Variants in FBXL13 observed in about 807,000 individuals in gnomAD.
FBXL13 encodes the protein F-box and leucine rich repeat protein 13, also known as F-box and leucine-rich repeat protein 13.
A neutral mutation model predicts 83.6 loss-of-function variants in FBXL13; 67 were observed. That is an observed-to-expected ratio of 0.80 (90% CI 0.66 to 0.98). FBXL13 has a LOEUF of 0.98. Among genes scored for constraint, FBXL13 ranks in the 50% least tolerant of loss-of-function variants. FBXL13 has a pLI of 0.00. For synonymous variants in FBXL13, 272 were observed against 299.5 expected (o/e 0.91, Z 0.95); for missense variants, 822 against 866.5 (o/e 0.95, Z 0.64).
At chr7:102,934,238 A>G in intron 8 of FBXL13, 1 of 1,614,228 alleles carries the variant, frequency 6.2e-7, no homozygotes, top group East Asian at 2.2e-5. Context: ...AAAGCTGAAA[A>G]GCCTGGATCT....
At chr7:102,883,765 A>G (rs569367365) in intron 12 of FBXL13, 80 bp from the exon 14 acceptor site, 1 of 818,790 alleles carries the variant, frequency 1.2e-6, no homozygotes, top group Admixed American at 2.4e-5. Flanking sequence ...TTTTCCTTCA[A>G]TATATTAGAG....
At chr7:102,839,976 C>T (rs559653668) in intron 17 of FBXL13, among the ~76,000 whole-genome samples, 141 of 152,148 alleles carry the variant, frequency 9.3e-4, no homozygotes, top group South Asian at 4.4e-3. Context: ...AGACACCTAC[C>T]CAACAGCACA....
chr7:102,903,702 C>A (rs916621292), intron 11 of FBXL13, among the ~76,000 whole-genome samples: 1 of 151,874 alleles, frequency 6.6e-6, no homozygotes, highest in African/African-American at 2.4e-5. Flanking sequence ...TGATCAAATG[C>A]TTTCCAGCAT....
intron 19 of FBXL13, among the ~76,000 whole-genome samples, chr7:102,819,538 G>A (rs1798511490): frequency 6.6e-6 from 1 of 152,188 alleles, no homozygotes; most frequent in African/African-American, 2.4e-5. Flanking sequence ...ATTCCATTGA[G>A]TATGAGTGAA....
At chr7:102,945,853 A>G (rs1279408898) in intron 8 of FBXL13, among the ~76,000 whole-genome samples, 2 of 152,174 alleles carry the variant, frequency 1.3e-5, no homozygotes, top group African/African-American at 4.8e-5. Flanking sequence ...CTCCCAAAGC[A>G]TGGAAGATGG....
chr7:102,912,986 G>C, intron 11 of FBXL13, 100 bp downstream of exon 12: 3 of 1,469,028 alleles, frequency 2.0e-6, no homozygotes, highest in Non-Finnish European at 2.8e-6. Context: ...AGTGTGCTGC[G>C]GTCCGTGCAC....
intron 1 of FBXL13, among the ~76,000 whole-genome samples, chr7:103,059,117 A>G (rs898109841): frequency 1.3e-5 from 2 of 152,292 alleles, no homozygotes; most frequent in Non-Finnish European, 2.9e-5. Flanking sequence ...AATTGTTTTA[A>G]AAATTAGCTG....
intron 6 of FBXL13, among the ~76,000 whole-genome samples, chr7:102,986,327 G>A (rs566699959): frequency 1.6e-4 from 24 of 152,186 alleles, no homozygotes; most frequent in African/African-American, 4.6e-4. Context: ...CTGAGACTTC[G>A]GGAAGGAATG....
chr7:102,974,075 C>T (rs1827126803), intron 6 of FBXL13, among the ~76,000 whole-genome samples: 1 of 152,138 alleles, frequency 6.6e-6, no homozygotes, highest in African/African-American at 2.4e-5. Flanking sequence ...AAAAAACAGC[C>T]CTCTAGGCTG....
chr7:102,813,437 G>A (rs1562888607), exon 20 of FBXL13: 2 of 1,613,962 alleles, frequency 1.2e-6, no homozygotes, highest in Non-Finnish European at 1.7e-6. Context: ...TCTGTAACAG[G>A]GTTTCCTTCC....
At position 102,964,390 on chromosome 7, in the gene FBXL13, C is replaced by CTATATATA. The variant is rs371731702; in HGVS notation, c.592-733_592-726dup. ...TCCATAACTCCACACAATTTTGTGA[C>CTATATATA]TATATATATATATATTTTTTTTTTT... On this transcript the variant is annotated intron_variant, in intron 7 of 19. Transcript: ENST00000313221. Among the ~76,000 whole-genome samples, 27 of 140,478 alleles carry CTATATATA rather than the reference C, an allele frequency of 1.9e-4. No individual in the cohort carries two copies. The East Asian group carries it at 4.5e-3, about 24-fold the overall frequency. 92.2% of individuals were successfully genotyped at this position (140,478 alleles called of 152,430 possible). A position where few individuals can be genotyped will look rare whatever the true frequency, so the allele number is the denominator to read the frequency against.
chr7:102,960,540 AT>A (rs1220320935), intron 8 of FBXL13, among the ~76,000 whole-genome samples: 2 of 151,106 alleles, frequency 1.3e-5, no homozygotes, highest in Non-Finnish European at 3.0e-5. Flanking sequence ...AAAAAAGAGA[AT>A]TTTAGACCAA....
intron 17 of FBXL13, among the ~76,000 whole-genome samples, chr7:102,834,106 G>GGA (rs1801355138): frequency 6.6e-5 from 7 of 106,540 alleles, no homozygotes; most frequent in South Asian, 3.4e-4. Context: ...AAGAAAGAAA[G>GGA]AAAGAAAGAA....
At chr7:103,064,371 T>C (rs1798198444) in intron 1 of FBXL13, among the ~76,000 whole-genome samples, 1 of 152,134 alleles carries the variant, frequency 6.6e-6, no homozygotes, top group African/African-American at 2.4e-5. Context: ...AGACAGCGTA[T>C]AGAATAAGAA....
intron 16 of FBXL13, among the ~76,000 whole-genome samples, chr7:102,866,450 GA>G (rs548449669): frequency 1.3e-5 from 2 of 151,824 alleles, no homozygotes; most frequent in African/African-American, 2.4e-5. Context: ...AGCTCCATAT[GA>G]AAAAAAACCA....
intron 16 of FBXL13, among the ~76,000 whole-genome samples, chr7:102,862,116 G>A (rs918391999): frequency 1.3e-5 from 2 of 151,960 alleles, no homozygotes; most frequent in African/African-American, 2.4e-5. Flanking sequence ...AGGCCAAGGC[G>A]GGTGGATCAT....
At chr7:102,964,163 T>A (rs1170197218) in intron 7 of FBXL13, among the ~76,000 whole-genome samples, 1 of 151,408 alleles carries the variant, frequency 6.6e-6, no homozygotes, top group Non-Finnish European at 1.5e-5. Flanking sequence ...ATACAAAAAT[T>A]AGCCAGGCGT....
intron 17 of FBXL13, among the ~76,000 whole-genome samples, chr7:102,849,397 T>C (rs1333640397): frequency 1.3e-5 from 2 of 152,200 alleles, no homozygotes; most frequent in Non-Finnish European, 2.9e-5. Flanking sequence ...AACACTAAAA[T>C]GAGGTAATTT....
At chr7:102,814,094 GT>G (rs1219159518) in intron 19 of FBXL13, among the ~76,000 whole-genome samples, 1 of 152,154 alleles carries the variant, frequency 6.6e-6, no homozygotes, top group African/African-American at 2.4e-5. Context: ...TACTGTTATA[GT>G]CTTTCTTAGC....
Sources: allele counts gnomAD v4.1 joint callset (sites outside exome capture counted in the v4.1 genomes callset), GRCh38; gene constraint gnomAD v4.1.1; transcripts MANE v1.5; gene names NCBI Gene and HGNC (gene_info 2026-07-23, HGNC 2026-07-21).